ANKRD28: variants seen among roughly 807,000 people sequenced by gnomAD.
ANKRD28 encodes the protein serine/threonine-protein phosphatase 6 regulatory ankyrin repeat subunit A.
Under a neutral mutation model 126.5 loss-of-function variants are expected in ANKRD28, and 44 were observed. The observed-to-expected ratio is 0.35, with a 90% CI of 0.27 to 0.45. The LOEUF is 0.45. Among genes scored for constraint, ANKRD28 ranks in the 20% least tolerant of loss-of-function variants. The probability of loss-of-function intolerance (pLI) is 1.00; values close to 1 mark genes in which losing one functional copy is unlikely to be tolerated. For synonymous variants in ANKRD28, 442 were observed against 468.5 expected, an observed-to-expected ratio of 0.94 and a Z score of 0.73; for missense variants, 1,110 against 1,316.6, an observed-to-expected ratio of 0.84 and a Z score of 2.43.
chr3:15,850,205 ATATATAT>A (rs1322647283), intron 1 of ANKRD28, among the ~76,000 whole-genome samples: 2 of 24,388 alleles, frequency 8.2e-5, no homozygotes, highest in African/African-American at 1.2e-4. Context: ...AAAAAAAAAA[ATATATAT>A]ATATATATAT....
At chr3:15,685,056 A>T in intron 21 of ANKRD28, 170 bp downstream of exon 21, 1 of 627,030 alleles carries the variant, frequency 1.6e-6, no homozygotes, top group Middle Eastern at 4.4e-4. Flanking sequence ...TTAGCATGAC[A>T]AAGGACAGGA....
Position 15,695,201 on chromosome 3 carries a change from G to A in ANKRD28, c.1673C>T (p.Thr558Ile). 1 of 1,593,294 alleles carries A rather than the reference G, an allele frequency of 6.3e-7. No homozygotes were observed. Residue 558 changes from threonine to isoleucine, a missense_variant, in exon 16 of 28, where the codon ACT becomes ATT. Physicochemically the swap from Thr to Ile is moderately conservative, Grantham distance 89. Transcript: ENST00000683139. Reference sequence around the variant, plus strand: ...ACTAATACTTACAACATCTAGAGGAGTTTCACTTGCAATCTGAAATAAAAG... The same window carrying A: ...ACTAATACTTACAACATCTAGAGGAATTTCACTTGCAATCTGAAATAAAAG... ...RLCLQLIASE[T>I]PLDVLMETSG... is the part of the protein sequence containing the mutation.
At chr3:15,707,718 T>C (rs2071647041) in intron 14 of ANKRD28, among the ~76,000 whole-genome samples, 1 of 152,214 alleles carries the variant, frequency 6.6e-6, no homozygotes, top group Non-Finnish European at 1.5e-5. Context: ...CCAGATCAGC[T>C]AGTAAGGCTG....
At chr3:15,859,390 T>C in exon 1 of ANKRD28, 1 of 1,528,496 alleles carries the variant, frequency 6.5e-7, no homozygotes, top group Non-Finnish European at 8.8e-7. Context: ...GTCACGGAGT[T>C]TGAGGAACGC....
intron 1 of ANKRD28, among the ~76,000 whole-genome samples, chr3:15,827,751 A>T (rs2125925589): frequency 6.6e-6 from 1 of 152,350 alleles, no homozygotes; most frequent in Middle Eastern, 3.4e-3. Context: ...ACTTTGTCAA[A>T]GTTTAAAACT....
chr3:15,839,517 C>T lies in ANKRD28; in HGVS notation c.27+19860G>A, dbSNP rs756540498. ...TCAATGTGGCTCAGATAGAGGGCTA[C>T]TTGAAGAGTGGGTCAAATTTCCATC... On this transcript the variant is annotated intron_variant, in intron 1 of 27. Coordinates refer to the ANKRD28 transcript ENST00000399451. This position sits in a 1 kb window ranked among gnomAD's most constrained non-coding sequence, Gnocchi z 4.3. Among the ~76,000 whole-genome samples the T allele has an allele frequency of 2.0e-5, 3 of 151,940 alleles. No homozygotes were observed. The highest frequency in any genetic ancestry group is 1.3e-4 in the Admixed American group (2 of 15,274).
intron 1 of ANKRD28, among the ~76,000 whole-genome samples, chr3:15,856,405 G>C (rs112129076): frequency 4.6e-5 from 7 of 152,254 alleles, no homozygotes; most frequent in African/African-American, 1.7e-4. Flanking sequence ...CTTCTTACTA[G>C]GGTGTACTGC....
intron 14 of ANKRD28, among the ~76,000 whole-genome samples, chr3:15,701,689 G>A (rs1017515712): frequency 6.6e-6 from 1 of 152,046 alleles, no homozygotes; most frequent in Admixed American, 6.5e-5. Context: ...GTTAAAGTGG[G>A]TATCACTATG....
chr3:15,699,214 T>C (rs2070167663), intron 14 of ANKRD28, among the ~76,000 whole-genome samples: 1 of 152,178 alleles, frequency 6.6e-6, no homozygotes, highest in African/African-American at 2.4e-5. Context: ...CTGGATCCCT[T>C]CCTTACACTA....
At chr3:15,727,581 AAAAAAAAAAGAAAG>A (rs1333476911) in intron 6 of ANKRD28, among the ~76,000 whole-genome samples, 1 of 151,156 alleles carries the variant, frequency 6.6e-6, no homozygotes, top group Non-Finnish European at 1.5e-5. Context: ...AAAAAAAAAA[AAAAAAAAAAGAAAG>A]AAAGAAAGAA....
intron 9 of ANKRD28, 26 bp downstream of exon 9, chr3:15,714,550 CCA>C: frequency 6.8e-7 from 1 of 1,477,866 alleles, no homozygotes. Context: ...AAAAAAAACC[CCA>C]AAAAAAAAAC....
intron 4 of ANKRD28, among the ~76,000 whole-genome samples, chr3:15,748,518 C>G (rs565272223): frequency 6.6e-6 from 1 of 152,190 alleles, no homozygotes; most frequent in African/African-American, 2.4e-5. Context: ...AAAAATAGAA[C>G]CCCAATCCCT....
At chr3:15,762,419 C>T (rs1697934319) in intron 3 of ANKRD28, among the ~76,000 whole-genome samples, 2 of 152,090 alleles carry the variant, frequency 1.3e-5, no homozygotes, top group African/African-American at 4.8e-5. Flanking sequence ...CAAATACCTA[C>T]CCTGTTCAGG....
At chr3:15,702,263 T>C (rs1575247235) in intron 14 of ANKRD28, among the ~76,000 whole-genome samples, 1 of 152,234 alleles carries the variant, frequency 6.6e-6, no homozygotes, top group Non-Finnish European at 1.5e-5. Context: ...CAGTGGTTAA[T>C]CACTTACAGT....
chr3:15,836,445 AAAAC>A (rs1193119749), intron 1 of ANKRD28, among the ~76,000 whole-genome samples: 8 of 152,280 alleles, frequency 5.3e-5, no homozygotes, highest in Admixed American at 2.0e-4. Context: ...AGATGTATAG[AAAAC>A]AAATAGCAAC....
intron 1 of ANKRD28, among the ~76,000 whole-genome samples, chr3:15,829,770 T>C (rs886884612): frequency 6.6e-6 from 1 of 152,190 alleles, no homozygotes; most frequent in African/African-American, 2.4e-5. Flanking sequence ...TAATTTTGCT[T>C]GGAAGCTCAA....
At chr3:15,722,927 T>C (rs2073873891) in intron 7 of ANKRD28, among the ~76,000 whole-genome samples, 1 of 145,240 alleles carries the variant, frequency 6.9e-6, no homozygotes, top group Non-Finnish European at 1.5e-5. Flanking sequence ...TCTACGAAAC[T>C]AAAAAAAAAA....
chr3:15,721,506 G>C (rs1038264259), intron 7 of ANKRD28, among the ~76,000 whole-genome samples: 1 of 152,100 alleles, frequency 6.6e-6, no homozygotes, highest in Admixed American at 6.6e-5. Flanking sequence ...TGAAGATTCT[G>C]AGGTATATTC....
rs547619354 is a variant in ANKRD28 at position 15,744,532 on chromosome 3, G to T, written c.351+7218C>A. ...GGGTTTCACCATGTTGGCCAGGCTG[G>T]TCTTGAACTCCTGACCTCAGGTGAT... On this transcript the variant is annotated intron_variant, in intron 4 of 27. Transcript: ENST00000683139. Among the ~76,000 whole-genome samples, 5 of 150,962 alleles carry T rather than the reference G, an allele frequency of 3.3e-5. No individual in the cohort carries two copies. The South Asian group carries it at 6.3e-4, about 19-fold the overall frequency.
Sources: gnomAD v4.1 joint callset for allele counts (sites outside exome capture counted in the v4.1 genomes callset) on GRCh38, gnomAD v4.1.1 for gene constraint, Gnocchi (gnomAD v3.1) non-coding constraint, MANE v1.5 for transcripts, NCBI Gene and HGNC (gene_info 2026-07-23, HGNC 2026-07-21) for gene names.